UBE2E2: variants seen among roughly 807,000 people sequenced by gnomAD.
UBE2E2 encodes ubiquitin conjugating enzyme E2 E2, also known as ubiquitin-conjugating enzyme E2 E2.
A neutral mutation model predicts 24.7 loss-of-function variants in UBE2E2; 6 were observed. The observed-to-expected ratio is 0.24, with a 90% confidence interval of 0.13 to 0.48. The LOEUF is 0.48. Among genes scored for constraint, UBE2E2 ranks in the 20% least tolerant of loss-of-function variants. The pLI, the probability that UBE2E2 is intolerant of heterozygous loss-of-function variation, is 0.99. For missense variants in UBE2E2, 169 were observed against 245.0 expected (o/e 0.69, Z 2.07); for synonymous variants, 104 against 83.6 (o/e 1.24, Z -1.33).
intron 3 of UBE2E2, among the ~76,000 whole-genome samples, chr3:23,359,817 A>T (rs976838661): frequency 2.0e-5 from 3 of 152,210 alleles, no homozygotes; most frequent in Non-Finnish European, 4.4e-5. Flanking sequence ...GGGGAGATTC[A>T]TGAAACATAG....
intron 5 of UBE2E2, among the ~76,000 whole-genome samples, chr3:23,571,286 T>C (rs1247490183): frequency 9.4e-5 from 8 of 85,170 alleles, no homozygotes; most frequent in African/African-American, 3.4e-4. Context: ...CTTTCTTTTT[T>C]TTTTTTTTTT....
chr3:23,579,029 G>A (rs1324478143), intron 5 of UBE2E2, among the ~76,000 whole-genome samples: 1 of 152,162 alleles, frequency 6.6e-6, no homozygotes, highest in South Asian at 2.1e-4. Flanking sequence ...TTGTTTTCAT[G>A]CCTGCTAACA....
At chr3:23,499,058 C>G (rs771507127) in intron 3 of UBE2E2, among the ~76,000 whole-genome samples, 14 of 152,182 alleles carry the variant, frequency 9.2e-5, no homozygotes, top group Non-Finnish European at 1.8e-4. Context: ...TTGCAAAACA[C>G]AGTTATAAAA....
chr3:23,292,709 C>T (rs1367945425), intron 3 of UBE2E2, among the ~76,000 whole-genome samples: 3 of 152,210 alleles, frequency 2.0e-5, no homozygotes, highest in Non-Finnish European at 4.4e-5. Context: ...CCACTTAATG[C>T]CTGTGTGGCC....
intron 3 of UBE2E2, among the ~76,000 whole-genome samples, chr3:23,271,357 G>A (rs936834163): frequency 1.3e-5 from 2 of 152,174 alleles, no homozygotes; most frequent in Admixed American, 6.5e-5. Flanking sequence ...AGACCTTCAC[G>A]GTGAGTGTTG....
intron 5 of UBE2E2, among the ~76,000 whole-genome samples, chr3:23,566,750 A>T (rs575645058): frequency 6.6e-6 from 1 of 152,090 alleles, no homozygotes; most frequent in South Asian, 2.1e-4. Context: ...CACCCCCCTG[A>T]CCCCAACACC....
intron 3 of UBE2E2, among the ~76,000 whole-genome samples, chr3:23,244,368 T>C (rs1697332749): frequency 6.6e-6 from 1 of 152,184 alleles, no homozygotes; most frequent in East Asian, 1.9e-4. Flanking sequence ...GTGCATTCCA[T>C]TTTGTAATAC....
chr3:23,522,946 C>T (rs1433668044), intron 4 of UBE2E2, among the ~76,000 whole-genome samples: 3 of 151,492 alleles, frequency 2.0e-5, no homozygotes, highest in Non-Finnish European at 2.9e-5. Flanking sequence ...CTGTCTGTAC[C>T]ATGATACAAT....
chr3:23,228,217 T>G (rs2125330062), intron 3 of UBE2E2, among the ~76,000 whole-genome samples: 1 of 152,304 alleles, frequency 6.6e-6, no homozygotes, highest in East Asian at 1.9e-4. Context: ...GTAAAGTGAG[T>G]TTAGTGCCCA....
chr3:23,348,981 C>A (rs1324416112), intron 3 of UBE2E2, among the ~76,000 whole-genome samples: 1 of 152,248 alleles, frequency 6.6e-6, no homozygotes, highest in African/African-American at 2.4e-5. Flanking sequence ...TTTTGACTAT[C>A]CCCTGACCAC....
At chr3:23,265,632 G>A (rs1042446600) in intron 3 of UBE2E2, among the ~76,000 whole-genome samples, 4 of 152,110 alleles carry the variant, frequency 2.6e-5, no homozygotes, top group African/African-American at 9.7e-5. Flanking sequence ...AATGCATGTG[G>A]TTGAGGCCAC....
rs540074283 is a variant in UBE2E2, at chr3:23,309,911, G to C, written c.227+92599G>C. On this transcript the variant is annotated intron_variant, in intron 3 of 5. Coordinates refer to ENST00000396703, the MANE Select transcript of UBE2E2 (RefSeq NM_152653.4). ...TTCCACCAGAGCAAACAGTCTAGAGGAAGGTGGAGGAAGATGGAGAGGAAG... is the reference window on the plus strand; with the variant it reads ...TTCCACCAGAGCAAACAGTCTAGAGCAAGGTGGAGGAAGATGGAGAGGAAG... Among the ~76,000 whole-genome samples the C allele has an allele frequency of 6.6e-5, 10 of 152,276 alleles. No homozygotes were observed. In the South Asian group the frequency reaches 2.1e-3, roughly 32 times the overall value.
Position 23,358,524 on chromosome 3 carries a change from C to T in UBE2E2, c.228-141084C>T, listed in dbSNP as rs912607053. Among the ~76,000 whole-genome samples the T allele has an allele frequency of 5.3e-5, 8 of 152,066 alleles. No individual in the cohort carries two copies. The South Asian group carries it at 8.3e-4, about 16-fold the overall frequency. On this transcript the variant is annotated intron_variant, in intron 3 of 5. Coordinates refer to ENST00000396703, the MANE Select transcript of UBE2E2 (RefSeq NM_152653.4). ...CAGCTGCATCAAATATCAATAAGTA[C>T]GTTTGCAAAAAACTGAGCTGATAGT...
rs544010520 is a variant in UBE2E2, at chr3:23,454,993, T to G, written c.228-44615T>G. On this transcript the variant is annotated intron_variant, in intron 3 of 5. Coordinates refer to ENST00000396703, the MANE Select transcript of UBE2E2 (RefSeq NM_152653.4). ...AAGCCAAGTGTGGGGACTTGATCCC[T>G]AAGCAGAATTCACTGGATTATCATG... 2.0e-5 allele frequency among the ~76,000 whole-genome samples: 3 copies of G among 152,362 alleles called. No individual in the cohort carries two copies. In the South Asian group the frequency reaches 6.2e-4, roughly 32 times the overall value.
intron 3 of UBE2E2, among the ~76,000 whole-genome samples, chr3:23,412,242 T>C (rs182885825): frequency 2.4e-3 from 367 of 152,276 alleles, no homozygotes; most frequent in Admixed American, 3.9e-3. Context: ...TAATTTTCAT[T>C]TTCACTGTCT....
chr3:23,485,901 G>A (rs949259876), intron 3 of UBE2E2, among the ~76,000 whole-genome samples: 5 of 152,204 alleles, frequency 3.3e-5, no homozygotes, highest in African/African-American at 1.2e-4. Context: ...TGGTATAAGT[G>A]CAGAGGTCAA....
intron 3 of UBE2E2, among the ~76,000 whole-genome samples, chr3:23,350,034 A>C (rs1695689565): frequency 6.6e-6 from 1 of 152,222 alleles, no homozygotes; most frequent in South Asian, 2.1e-4. Context: ...CCTCTGAGAC[A>C]AAACTTCCAA....
At chr3:23,204,075 C>G (rs1051617561) in intron 1 of UBE2E2, among the ~76,000 whole-genome samples, 1 of 152,028 alleles carries the variant, frequency 6.6e-6, no homozygotes, top group Non-Finnish European at 1.5e-5. Context: ...TTTCTCTGGT[C>G]TCTTCTCTGC....
chr3:23,279,114 T>C (rs1449545252), intron 3 of UBE2E2, among the ~76,000 whole-genome samples: 1 of 152,172 alleles, frequency 6.6e-6, no homozygotes, highest in Non-Finnish European at 1.5e-5. Flanking sequence ...GTTGTTGTAA[T>C]AAACATGGTT....
Sources: gnomAD v4.1 joint callset for allele counts (sites outside exome capture counted in the v4.1 genomes callset) on GRCh38, gnomAD v4.1.1 for gene constraint, MANE v1.5 for transcripts, NCBI Gene and HGNC (gene_info 2026-07-23, HGNC 2026-07-21) for gene names.